HSD11B1: variants seen among roughly 807,000 people sequenced by gnomAD.
HSD11B1 encodes 11-beta-hydroxysteroid dehydrogenase 1.
Under a neutral mutation model 22.1 loss-of-function variants are expected in HSD11B1, and 15 were observed. The observed-to-expected ratio is 0.68, with a 90% confidence interval of 0.45 to 1.04. HSD11B1 has a LOEUF of 1.04. HSD11B1 is among the 50% of genes least tolerant of loss of function. The probability of loss-of-function intolerance (pLI) is 0.00; values close to 1 mark genes in which losing one functional copy is unlikely to be tolerated. For missense variants in HSD11B1, 281 were observed against 357.6 expected (o/e 0.79, Z 1.73); for synonymous variants, 122 against 125.2 (o/e 0.97, Z 0.17).
intron 4 of HSD11B1, among the ~76,000 whole-genome samples, chr1:209,717,221 A>T (rs981419020): frequency 6.6e-6 from 1 of 152,192 alleles, no homozygotes; most frequent in Non-Finnish European, 1.5e-5. Context: ...AAACTATCTG[A>T]TTTTAAAAAT....
chr1:209,723,566 C>T (rs1451838481), intron 4 of HSD11B1, among the ~76,000 whole-genome samples: 1 of 152,212 alleles, frequency 6.6e-6, no homozygotes, highest in Non-Finnish European at 1.5e-5. Context: ...ATGGCTGCCT[C>T]TAGTCCACAG....
chr1:209,732,247 C>G (rs1198375642), intron 4 of HSD11B1, among the ~76,000 whole-genome samples, 189 bp from the exon 5 acceptor site: 1 of 152,136 alleles, frequency 6.6e-6, no homozygotes, highest in Non-Finnish European at 1.5e-5. Flanking sequence ...CAGCCCAATC[C>G]CACCCTATGC....
intron 5 of HSD11B1, among the ~76,000 whole-genome samples, chr1:209,732,855 T>C (rs190029095): frequency 1.3e-5 from 2 of 152,172 alleles, no homozygotes; most frequent in East Asian, 3.9e-4. Context: ...TTTGGTTTTT[T>C]AATACTCTGA....
At chr1:209,704,660 T>TC (rs1240983399), upstream of HSD11B1, among the ~76,000 whole-genome samples, 1 of 152,184 alleles carries the variant, frequency 6.6e-6, no homozygotes, top group Admixed American at 6.5e-5. Flanking sequence ...TCCTGTACAG[T>TC]CATGAGCTTG....
upstream of HSD11B1, among the ~76,000 whole-genome samples, chr1:209,704,149 C>G (rs369376669): frequency 1.4e-4 from 22 of 152,208 alleles, no homozygotes; most frequent in East Asian, 2.5e-3. Context: ...TTTACAAGAC[C>G]CAGTTTAATA....
At position 209,734,555 on chromosome 1, in the gene HSD11B1, T is replaced by C. The variant is rs113327343; in HGVS notation, c.*34T>C. 7 of 1,485,308 alleles carry C rather than the reference T, an allele frequency of 4.7e-6. No homozygotes were observed. Among genetic ancestry groups the C allele is most frequent in the African/African-American group, 1.4e-5 (1 of 72,378 alleles). The allele number at this position is 1,485,308 out of a possible 1,614,324, so 92.0% of individuals were successfully genotyped here. A position where few individuals can be genotyped will look rare whatever the true frequency, so the allele number is the denominator to read the frequency against. ...TGAGGGCTGGGCATGCTGAGGGATTTTGGGACTGTTCTGTCTCATGTTTAT... is the reference window on the plus strand; with the variant it reads ...TGAGGGCTGGGCATGCTGAGGGATTCTGGGACTGTTCTGTCTCATGTTTAT... On this transcript the variant is annotated 3_prime_UTR_variant, in exon 6 of 6. Transcript: ENST00000367027.
chr1:209,687,515 G>C (rs1356461887), intron 1 of HSD11B1, among the ~76,000 whole-genome samples: 1 of 152,170 alleles, frequency 6.6e-6, no homozygotes, highest in African/African-American at 2.4e-5. Context: ...TCCAATTTCT[G>C]AGCTAGAACA....
At chr1:209,725,614 C>T (rs1010576804) in intron 4 of HSD11B1, among the ~76,000 whole-genome samples, 6 of 152,322 alleles carry the variant, frequency 3.9e-5, no homozygotes, top group African/African-American at 1.4e-4. Flanking sequence ...AAAGACCTCT[C>T]CCCATTTCTT....
In HSD11B1 at chr1:209,714,133, T is replaced by G. The variant is rs574791165; in HGVS notation, c.517+7005T>G. Among the ~76,000 whole-genome samples, 76 of 152,352 alleles carry G rather than the reference T, an allele frequency of 5.0e-4. No homozygotes were observed. The South Asian group carries it at 0.016, about 31-fold the overall frequency. On this transcript the variant is annotated intron_variant, in intron 4 of 5. Transcript: ENST00000367027. ...AGCAAGAAGGCCAAGGCAAGATACCTGTTGTGCACCCACATTCTAGTGTAA... is the reference window on the plus strand; with the variant it reads ...AGCAAGAAGGCCAAGGCAAGATACCGGTTGTGCACCCACATTCTAGTGTAA...
At chr1:209,711,596 T>G (rs1223864237) in intron 4 of HSD11B1, among the ~76,000 whole-genome samples, 1 of 151,882 alleles carries the variant, frequency 6.6e-6, no homozygotes, top group Admixed American at 6.6e-5. Context: ...GTTGGGGGGA[T>G]GGGTAGAAGT....
upstream of HSD11B1, among the ~76,000 whole-genome samples, chr1:209,703,571 G>A (rs2076837430): frequency 6.6e-6 from 1 of 152,010 alleles, no homozygotes; most frequent in South Asian, 2.1e-4. Context: ...GGCCTTTGTT[G>A]ACAAATTGTT....
At chr1:209,695,077 G>A (rs867405064) in intron 1 of HSD11B1, among the ~76,000 whole-genome samples, 1 of 152,180 alleles carries the variant, frequency 6.6e-6, no homozygotes, top group African/African-American at 2.4e-5. Flanking sequence ...GAGATGTGAT[G>A]GTTTAAAAGT....
At chr1:209,698,171 A>ATAGAT (rs2076804170) in intron 1 of HSD11B1, among the ~76,000 whole-genome samples, 2 of 16,520 alleles carry the variant, frequency 1.2e-4, no homozygotes, top group East Asian at 8.4e-4. Context: ...GATAGATTAG[A>ATAGAT]TAGATAGATA....
At chr1:209,716,881 A>G (rs928477917) in intron 4 of HSD11B1, among the ~76,000 whole-genome samples, 1 of 152,208 alleles carries the variant, frequency 6.6e-6, no homozygotes, top group South Asian at 2.1e-4. Flanking sequence ...CTAGATCTCT[A>G]TCTCTCACCA....
In HSD11B1 at chr1:209,706,793, T is replaced by C. The variant is rs751543983; in HGVS notation, c.304T>C (p.Phe102Leu). 2 of 1,614,098 alleles carry C rather than the reference T, an allele frequency of 1.2e-6. No individual in the cohort carries two copies. Among genetic ancestry groups the C allele is most frequent in the Non-Finnish European group, 1.7e-6 (2 of 1,179,974 alleles). The change falls in exon 3 of 6, where the codon TTT (phenylalanine) becomes CTT (leucine). Residue 102 changes from phenylalanine (F) to leucine (L), a missense_variant. By Grantham distance (22) the Phe-to-Leu change is conservative (BLOSUM62 0). Transcript: ENST00000367027. The surrounding 1 kb of genome is among the most constrained non-coding windows in gnomAD (Gnocchi z 4.0). ...GGAAGACATGACCTTCGCAGAGCAA[T>C]TTGTTGCCCAAGCAGGAAAGCTCAT... ...TMEDMTFAEQFVAQAGKLMGG... is the reference protein window; with the variant it reads ...TMEDMTFAEQLVAQAGKLMGG...
chr1:209,721,647 T>G (rs2076967937), intron 4 of HSD11B1, among the ~76,000 whole-genome samples: 1 of 152,122 alleles, frequency 6.6e-6, no homozygotes, highest in African/African-American at 2.4e-5. Context: ...TAGCTCATTA[T>G]TTTCAGTTCA....
chr1:209,723,196 G>C (rs2076977572), intron 4 of HSD11B1, among the ~76,000 whole-genome samples: 1 of 152,116 alleles, frequency 6.6e-6, no homozygotes, highest in Non-Finnish European at 1.5e-5. Context: ...TTCCCAGAAA[G>C]CTAGCTGCCA....
chr1:209,691,082 G>T (rs1048290216), intron 1 of HSD11B1, among the ~76,000 whole-genome samples: 3 of 152,170 alleles, frequency 2.0e-5, no homozygotes, highest in Non-Finnish European at 4.4e-5. Flanking sequence ...AAGAAAAATA[G>T]TTCACAAACC....
chr1:209,729,168 G>A (rs923819880), intron 4 of HSD11B1, among the ~76,000 whole-genome samples: 5 of 152,118 alleles, frequency 3.3e-5, no homozygotes, highest in Non-Finnish European at 1.5e-5. Context: ...AGACCAGCCT[G>A]GCCAACATGG....
Sources: allele counts gnomAD v4.1 joint callset (sites outside exome capture counted in the v4.1 genomes callset), GRCh38; gene constraint gnomAD v4.1.1; non-coding constraint Gnocchi (gnomAD v3.1); transcripts MANE v1.5; gene names NCBI Gene and HGNC (gene_info 2026-07-23, HGNC 2026-07-21).